The following ELF1 variants were observed in gnomAD, a reference collection of about 807,000 sequenced individuals.
ELF1 encodes the protein E74 like ETS transcription factor 1.
ELF1 carries 24 observed loss-of-function variants against 59.9 expected under a neutral mutation model. That is an observed-to-expected ratio of 0.40 (90% CI 0.29 to 0.56). The LOEUF is 0.56. Ranked by LOEUF, ELF1 falls within the 20% of genes least tolerant of loss-of-function variation. The pLI is 0.44. For missense variants in ELF1, 627 were observed against 742.2 expected (o/e 0.84, Z 1.80); for synonymous variants, 248 against 266.2 (o/e 0.93, Z 0.67).
intron 8 of ELF1, among the ~76,000 whole-genome samples, chr13:40,940,280 G>T (rs1870045377): frequency 8.1e-6 from 1 of 123,892 alleles, no homozygotes; most frequent in Non-Finnish European, 1.9e-5. Context: ...AGTCAGCTGA[G>T]ACTAGTCCCA....
intron 1 of ELF1, among the ~76,000 whole-genome samples, chr13:40,984,372 C>T (rs1438241671): frequency 6.6e-6 from 1 of 152,102 alleles, no homozygotes; most frequent in Admixed American, 6.6e-5. Context: ...CAAGACCAAC[C>T]GGGGCAACAT....
At chr13:41,019,138 C>T in intron 1 of ELF1, 90 bp downstream of exon 1, 9 of 937,360 alleles carry the variant, frequency 9.6e-6, no homozygotes, top group Non-Finnish European at 1.1e-5. Context: ...AGAACACATT[C>T]AGCCATGTTC....
intron 1 of ELF1, among the ~76,000 whole-genome samples, chr13:41,026,279 C>T (rs1875902850): frequency 6.6e-6 from 1 of 152,182 alleles, no homozygotes; most frequent in Admixed American, 6.5e-5. Context: ...TAAATTGTTG[C>T]ATCTGGCTCC....
chr13:40,989,429 A>C (rs2138296626), intron 1 of ELF1, among the ~76,000 whole-genome samples: 1 of 152,378 alleles, frequency 6.6e-6, no homozygotes, highest in African/African-American at 2.4e-5. Context: ...AATTTAAGAA[A>C]GTTGAGAGAA....
At chr13:40,988,849 G>A (rs1405703309) in intron 1 of ELF1, among the ~76,000 whole-genome samples, 1 of 151,996 alleles carries the variant, frequency 6.6e-6, no homozygotes, top group East Asian at 1.9e-4. Flanking sequence ...CGCTTAGGCT[G>A]GAGTGCAGTG....
chr13:40,940,965 A>G lies in ELF1; in HGVS notation c.1212T>C (p.Ser404=), dbSNP rs761906072. The change falls in exon 8 of 9, where the codon AGT becomes AGC. Residue 404 remains serine (S), a synonymous_variant. Coordinates refer to ENST00000239882, the MANE Select transcript of ELF1 (RefSeq NM_172373.4). The part of the protein sequence containing the change: ...AVPEGEAART[S]TMQDETLNSS... ...AATTTAATGTTTCATCCTGCATGGT[A>G]CTGGTTCTAGCTGCTTCTCCCTCTG... 1 of 1,614,176 alleles carries G rather than the reference A, an allele frequency of 6.2e-7. No individual in the cohort carries two copies. The highest frequency in any genetic ancestry group is 1.1e-5 in the South Asian group (1 of 91,088).
intron 1 of ELF1, among the ~76,000 whole-genome samples, chr13:41,042,104 C>T (rs569264401): frequency 6.6e-6 from 1 of 152,238 alleles, no homozygotes; most frequent in Non-Finnish European, 1.5e-5. Flanking sequence ...CTCACTGCAA[C>T]CTCTGCCTCC....
intron 5 of ELF1, among the ~76,000 whole-genome samples, chr13:40,945,433 C>T (rs1367036291): frequency 1.3e-5 from 2 of 152,022 alleles, no homozygotes; most frequent in East Asian, 1.9e-4. Context: ...TTCTAAACTG[C>T]CAATCTAAAA....
chr13:41,050,286 T>C (rs1177806387), intron 1 of ELF1, among the ~76,000 whole-genome samples: 1 of 152,176 alleles, frequency 6.6e-6, no homozygotes, highest in African/African-American at 2.4e-5. Flanking sequence ...GACTGGCTTA[T>C]TTCACTTAGC....
intron 8 of ELF1, among the ~76,000 whole-genome samples, chr13:40,937,028 C>T (rs1869831858): frequency 6.6e-6 from 1 of 152,100 alleles, no homozygotes; most frequent in African/African-American, 2.4e-5. Flanking sequence ...ATACCATCTA[C>T]GATGCAAATA....
Position 40,936,760 on chromosome 13 carries a change from CAAAAAA to C in ELF1, c.1257-2738_1257-2733del, listed in dbSNP as rs368388366. On this transcript the variant is annotated intron_variant, in intron 8 of 8. Transcript: ENST00000239882. ...TGGTTGACAGAGCAAGACTCCGTCTCAAAAAAAAAAAAAAAAAGAAAAAAAAGAAAA... is the reference window on the plus strand; with the variant it reads ...TGGTTGACAGAGCAAGACTCCGTCTCAAAAAAAAAAAGAAAAAAAAGAAAA... Among the ~76,000 whole-genome samples the C allele has an allele frequency of 9.1e-5, 7 of 77,138 alleles. No homozygotes were observed. In the Middle Eastern group the frequency reaches 0.023, roughly 254 times the overall value. 50.6% of individuals were successfully genotyped at this position (77,138 alleles called of 152,430 possible).
intron 2 of ELF1, among the ~76,000 whole-genome samples, chr13:40,968,860 C>G (rs1164120391): frequency 6.6e-6 from 1 of 151,808 alleles, no homozygotes; most frequent in Non-Finnish European, 1.5e-5. Flanking sequence ...GCTGGGAGAA[C>G]AGGCATGTGC....
Position 40,933,540 on chromosome 13 carries a change from G to C in ELF1, c.1745C>G (p.Thr582Ser). 1 of 1,614,224 alleles carries C rather than the reference G, an allele frequency of 6.2e-7. No individual in the cohort carries two copies. The highest frequency in any genetic ancestry group is 8.5e-7 in the Non-Finnish European group (1 of 1,180,050). ...CTGTGGCTGCTGCTCCGTTTTCTCA[G>C]TGTTCTCTTTCAAATGATCTTCAGA... is the stretch of plus-strand genomic sequence containing the variant. ...KESEDHLKEN[T>S]EKTEQQPQPY... The change falls in exon 9 of 9, where the codon ACT becomes AGT. Residue 582 changes from threonine (T) to serine (S), a missense_variant. By Grantham distance (58) the Thr-to-Ser change is moderately conservative. Around this residue, in one of 3 missense-constraint regions of ELF1, gnomAD observed 361 missense variants for 396.1 expected, o/e 0.91. Coordinates refer to ENST00000239882, the MANE Select transcript of ELF1 (RefSeq NM_172373.4).
At chr13:40,937,531 G>A (rs900801310) in intron 8 of ELF1, among the ~76,000 whole-genome samples, 20 of 152,086 alleles carry the variant, frequency 1.3e-4, no homozygotes, top group Non-Finnish European at 7.4e-5. Flanking sequence ...GTGCAGTGGC[G>A]CCATCTCAGC....
intron 1 of ELF1, among the ~76,000 whole-genome samples, chr13:41,034,373 C>G (rs527482459): frequency 6.6e-6 from 1 of 152,338 alleles, no homozygotes; most frequent in East Asian, 1.9e-4. Flanking sequence ...TATACTATGA[C>G]TGCATAAGAC....
chr13:41,044,678 C>G (rs1281359089), intron 1 of ELF1, among the ~76,000 whole-genome samples: 1 of 152,298 alleles, frequency 6.6e-6, no homozygotes, highest in African/African-American at 2.4e-5. Flanking sequence ...TTTTGATGTG[C>G]TGCTGGATTC....
Position 40,934,022 on chromosome 13 carries a change from T to C in ELF1, c.1263A>G (p.Ile421Met). The C allele has an allele frequency of 6.2e-7, 1 of 1,612,676 alleles. No homozygotes were observed. The highest frequency in any genetic ancestry group is 1.1e-5 in the South Asian group (1 of 91,028). Residue 421 changes from isoleucine to methionine, a missense_variant, in exon 9 of 9, where the codon ATA becomes ATG. This residue lies in a region of ELF1 where 361 missense variants were observed against 396.1 expected (regional missense o/e 0.91). Transcript: ENST00000239882. ...CCACTGGAACTTGGGTTGGAGCCTG[T>C]ATAGTCCTATTGAGATGATGAAATT... ...LNSSVQSIRTIQAPTQVPVVV... is the reference protein window; with the variant it reads ...LNSSVQSIRTMQAPTQVPVVV...
chr13:40,994,879 C>T (rs546969434), intron 1 of ELF1, among the ~76,000 whole-genome samples: 3 of 152,268 alleles, frequency 2.0e-5, no homozygotes, highest in Non-Finnish European at 4.4e-5. Flanking sequence ...AAGACATGCC[C>T]TAGTGCAATG....
At chr13:40,944,670 T>C (rs1047447069) in intron 5 of ELF1, among the ~76,000 whole-genome samples, 4 of 152,210 alleles carry the variant, frequency 2.6e-5, no homozygotes, top group Non-Finnish European at 1.5e-5. Flanking sequence ...AACCATGGCC[T>C]AGCAGCGCCA....
Sources: allele counts gnomAD v4.1 joint callset (sites outside exome capture counted in the v4.1 genomes callset), GRCh38; gene constraint gnomAD v4.1.1; regional missense constraint gnomAD v4.1.1; transcripts MANE v1.5; gene names NCBI Gene and HGNC (gene_info 2026-07-23, HGNC 2026-07-21).